Variants in NEXMIF observed in about 807,000 individuals in gnomAD.
The protein encoded by NEXMIF is neurite extension and migration factor.
A neutral mutation model predicts 62.1 loss-of-function variants in NEXMIF; 8 were observed. The ratio of observed to expected loss-of-function variants is 0.13; its 90% CI spans 0.08 to 0.23. The LOEUF is 0.23. Ranked by LOEUF, NEXMIF falls within the 10% of genes least tolerant of loss-of-function variation. NEXMIF has a pLI of 1.00. For missense variants in NEXMIF, 976 were observed against 1,113.3 expected, an observed-to-expected ratio of 0.88 and a Z score of 1.75; for synonymous variants, 404 against 416.6, an observed-to-expected ratio of 0.97 and a Z score of 0.37.
At chrX:74,782,311 T>G (rs2080249503) in intron 1 of NEXMIF, among the ~76,000 whole-genome samples, 1 of 111,812 alleles carries the variant, frequency 8.9e-6, no homozygotes, top group Non-Finnish European at 1.9e-5. Context: ...CCCTTTGAGC[T>G]CAGGTTTGGA....
intron 1 of NEXMIF, among the ~76,000 whole-genome samples, chrX:74,848,422 A>G (rs1466307182): frequency 1.8e-5 from 2 of 112,540 alleles, no homozygotes; most frequent in Non-Finnish European, 3.8e-5. Context: ...ATAAAACAAC[A>G]GTAATTTATT....
At chrX:74,811,314 G>T (rs1464145008) in intron 1 of NEXMIF, among the ~76,000 whole-genome samples, 1 of 111,413 alleles carries the variant, frequency 9.0e-6, no homozygotes, top group African/African-American at 3.3e-5. Context: ...CTCCAAATAT[G>T]ACTTCCCCTT....
chrX:74,772,748 A>G (rs1196106789), intron 1 of NEXMIF, among the ~76,000 whole-genome samples: 1 of 112,325 alleles, frequency 8.9e-6, no homozygotes, highest in African/African-American at 3.2e-5. Context: ...CTGAAAAAAT[A>G]TATTAGTCAT....
Position 74,733,787 on chromosome X carries a change from T to G in NEXMIF, c.*5618A>C, listed in dbSNP as rs903662079. On this transcript the variant is annotated 3_prime_UTR_variant, in exon 4 of 4. Transcript: ENST00000055682. ...TTTTTTTTGCACAAGATCACTACACTCTTTCACAACATGTTTTGTGTTACA... is the reference window on the plus strand; with the variant it reads ...TTTTTTTTGCACAAGATCACTACACGCTTTCACAACATGTTTTGTGTTACA... 2.4e-4 allele frequency: 27 copies of G among 112,385 alleles called. No homozygotes were observed. Among genetic ancestry groups the G allele is most frequent in the African/African-American group, 8.7e-4 (27 of 30,862 alleles). 9.3% of individuals were successfully genotyped at this position (112,385 alleles called of 1,213,427 possible). A position where few individuals can be genotyped will look rare whatever the true frequency, so the allele number is the denominator to read the frequency against.
chrX:74,790,938 T>C (rs2080279907), intron 1 of NEXMIF, among the ~76,000 whole-genome samples: 2 of 110,504 alleles, frequency 1.8e-5, no homozygotes. Context: ...ACAATTTGAG[T>C]TCCTCTTTTC....
In NEXMIF at chrX:74,742,330, T is replaced by C. The variant is rs141010616; in HGVS notation, c.2227A>G (p.Ile743Val). 18 of 1,209,703 alleles carry C rather than the reference T, an allele frequency of 1.5e-5. No homozygotes were observed. Among genetic ancestry groups the C allele is most frequent in the Non-Finnish European group, 2.0e-5 (18 of 894,905 alleles). ...TCCAAGAGAGGGCTCATTTGAACAA[T>C]TGGCTTGCTTTCTTGCCCAGCAGCT... ...VKAAGQESKP[I>V]VQMSPLLENQ... The change falls in exon 3 of 4, where the codon ATT becomes GTT. Residue 743 changes from isoleucine to valine, a missense_variant. This residue lies in a region of NEXMIF where 639 missense variants were observed against 694.5 expected (regional missense o/e 0.92). Transcript: ENST00000055682.
At chrX:74,782,569 T>C (rs750001960) in intron 1 of NEXMIF, among the ~76,000 whole-genome samples, 2 of 111,286 alleles carry the variant, frequency 1.8e-5, no homozygotes, top group East Asian at 5.7e-4. Flanking sequence ...CCAACATTTC[T>C]GTATGGTTTT....
chrX:74,790,390 A>C lies in NEXMIF; in HGVS notation c.-47-44693T>G, dbSNP rs1193705601. On this transcript the variant is annotated intron_variant, in intron 1 of 3. Coordinates refer to ENST00000055682, the MANE Select transcript of NEXMIF (RefSeq NM_001008537.3). Reference sequence around the variant, plus strand: ...TTTGGTTACTGTAGCCTTGTAGTACAGTTTGAAGTCAGGTAGTGTGATGCC... The same window carrying C: ...TTTGGTTACTGTAGCCTTGTAGTACCGTTTGAAGTCAGGTAGTGTGATGCC... Among the ~76,000 whole-genome samples, 3 of 113,438 alleles carry C rather than the reference A, an allele frequency of 2.6e-5. No homozygotes were observed. The Admixed American group carries it at 2.8e-4, about 10-fold the overall frequency.
intron 1 of NEXMIF, among the ~76,000 whole-genome samples, chrX:74,771,285 C>A (rs2080209446): frequency 1.8e-5 from 2 of 110,797 alleles, no homozygotes; most frequent in African/African-American, 6.6e-5. Flanking sequence ...GTAGTTTTGG[C>A]CTAGGGAATG....
rs2080275794 is a variant in NEXMIF, at chrX:74,790,265, T to C, written c.-47-44568A>G. Among the ~76,000 whole-genome samples the C allele has an allele frequency of 2.7e-5, 3 of 109,271 alleles. No individual in the cohort carries two copies. In the South Asian group the frequency reaches 1.2e-3, roughly 43 times the overall value. 94.9% of individuals were successfully genotyped at this position (109,271 alleles called of 115,157 possible). A position where few individuals can be genotyped will look rare whatever the true frequency, so the allele number is the denominator to read the frequency against. ...CCCCATTGCTTGTTTTTCTCAGGTT[T>C]GTCAAAGATCAGATAGTTGTAGATA... On this transcript the variant is annotated intron_variant, in intron 1 of 3. Coordinates refer to ENST00000055682, the MANE Select transcript of NEXMIF (RefSeq NM_001008537.3).
intron 1 of NEXMIF, among the ~76,000 whole-genome samples, chrX:74,900,632 C>T (rs1006408594): frequency 9.0e-6 from 1 of 111,098 alleles, no homozygotes; most frequent in African/African-American, 3.3e-5. Context: ...TAAAAATAGT[C>T]ACCATATGAC....
chrX:74,903,920 T>A (rs1438020173), intron 1 of NEXMIF, among the ~76,000 whole-genome samples: 5 of 96,998 alleles, frequency 5.2e-5, no homozygotes, highest in African/African-American at 1.5e-4. Context: ...TGTGTGTGTG[T>A]GAAGTGGTGT....
At chrX:74,888,407 C>G (rs1274645812) in intron 1 of NEXMIF, among the ~76,000 whole-genome samples, 2 of 109,328 alleles carry the variant, frequency 1.8e-5, no homozygotes, top group Non-Finnish European at 3.8e-5. Flanking sequence ...ATGGATGAAG[C>G]TGGAAAACAT....
At position 74,925,228 on chromosome X, in the gene NEXMIF, G is replaced by A; in HGVS notation, c.-393C>T. ...CCGTGCTTCGCTTACACTGTCGCTC[G>A]CCCCGGCTGGAGCTACCTAGCGAGC... On this transcript the variant is annotated 5_prime_UTR_variant, in exon 1 of 4. Transcript: ENST00000055682. 8.4e-6 allele frequency: 1 copy of A among 118,498 alleles called. No homozygotes were observed. The highest frequency in any genetic ancestry group is 2.7e-4 in the South Asian group (1 of 3,693). The allele number at this position is 118,498 out of a possible 1,213,427, so 9.8% of individuals were successfully genotyped here. A position where few individuals can be genotyped will look rare whatever the true frequency, so the allele number is the denominator to read the frequency against.
At chrX:74,775,955 T>G (rs754793891) in intron 1 of NEXMIF, among the ~76,000 whole-genome samples, 13 of 112,144 alleles carry the variant, frequency 1.2e-4, no homozygotes, top group Admixed American at 8.5e-4. Context: ...CTGTATGATT[T>G]ATTTATACTG....
At chrX:74,900,050 A>G (rs2080744309) in intron 1 of NEXMIF, among the ~76,000 whole-genome samples, 1 of 112,018 alleles carries the variant, frequency 8.9e-6, no homozygotes, top group Non-Finnish European at 1.9e-5. Flanking sequence ...ACATTTCTCC[A>G]AAGAAGATAT....
Position 74,740,769 on chromosome X carries a change from T to C in NEXMIF, c.3788A>G (p.Gln1263Arg). The change falls in exon 3 of 4, where the codon CAA becomes CGA. Residue 1263 changes from glutamine to arginine, a missense_variant. Around this residue, in one of 5 missense-constraint regions of NEXMIF, gnomAD observed 639 missense variants for 694.5 expected, o/e 0.92. Transcript: ENST00000055682. The part of the protein sequence containing the change: ...STGKTLAECI[Q>R]HGGPMASMKM... ...CATAGAGGCCATAGGGCCACCATGT[T>C]GGATACATTCAGCCAATGTCTTCCC... 1.7e-6 allele frequency: 2 copies of C among 1,212,057 alleles called. No homozygotes were observed. The highest frequency in any genetic ancestry group is 2.2e-6 in the Non-Finnish European group (2 of 895,467).
intron 1 of NEXMIF, among the ~76,000 whole-genome samples, chrX:74,889,590 G>C (rs143868329): frequency 7.2e-5 from 8 of 111,259 alleles, no homozygotes; most frequent in Middle Eastern, 4.7e-3. Flanking sequence ...TGGTTGCATG[G>C]TGTACAAATA....
At chrX:74,888,139 T>TG (rs1400935323) in intron 1 of NEXMIF, among the ~76,000 whole-genome samples, 1 of 102,681 alleles carries the variant, frequency 9.7e-6, no homozygotes, top group Non-Finnish European at 2.0e-5. Context: ...GGGACTGTTG[T>TG]GGGGTGGGGG....
Sources: gnomAD v4.1 joint callset for allele counts (sites outside exome capture counted in the v4.1 genomes callset) on GRCh38, gnomAD v4.1.1 for gene constraint, gnomAD v4.1.1 regional missense constraint, MANE v1.5 for transcripts, NCBI Gene and HGNC (gene_info 2026-07-23, HGNC 2026-07-21) for gene names.